The following CTNND2 variants were observed in gnomAD, a reference collection of about 807,000 sequenced individuals.
The protein encoded by CTNND2 is catenin delta 2.
In CTNND2, 22 loss-of-function variants were observed where a neutral mutation model predicts 144.4. The ratio of observed to expected loss-of-function variants is 0.15; its 90% confidence interval spans 0.11 to 0.22. The LOEUF (loss-of-function observed/expected upper bound fraction) is 0.22, where lower values mean the gene tolerates loss of function less well. Among genes scored for constraint, CTNND2 ranks in the 10% least tolerant of loss-of-function variants. The probability of loss-of-function intolerance (pLI) is 1.00; values close to 1 mark genes in which losing one functional copy is unlikely to be tolerated. For missense variants in CTNND2, 1,353 were observed against 1,618.8 expected, an observed-to-expected ratio of 0.84 and a Z score of 2.82; for synonymous variants, 751 against 695.6, an observed-to-expected ratio of 1.08 and a Z score of -1.25.
chr5:11,083,808 A>T, intron 15 of CTNND2: 1 of 624,376 alleles, frequency 1.6e-6, no homozygotes, highest in Non-Finnish European at 2.1e-6. Context: ...GTCCTTTCCC[A>T]CCCAGTCCCC....
At chr5:10,985,813 A>G (rs1737866179) in intron 20 of CTNND2, among the ~76,000 whole-genome samples, 1 of 152,204 alleles carries the variant, frequency 6.6e-6, no homozygotes, top group Non-Finnish European at 1.5e-5. Context: ...TGTAAACTCA[A>G]TATCCCCATC....
rs982080590 is a variant in CTNND2 at position 11,851,628 on chromosome 5, T to C, written c.37+52189A>G. 5.3e-5 allele frequency among the ~76,000 whole-genome samples: 8 copies of C among 152,230 alleles called. 1 individual carries two copies. Among genetic ancestry groups the C allele is most frequent in the African/African-American group, 1.9e-4 (8 of 41,478 alleles). Reference sequence around the variant, plus strand: ...CCTACCCAGGACTTCTTCACAGAAGTGCTGGATTCCGCCTGTAGTACTGAG... The same window carrying C: ...CCTACCCAGGACTTCTTCACAGAAGCGCTGGATTCCGCCTGTAGTACTGAG... On this transcript the variant is annotated intron_variant, in intron 1 of 21. Transcript: ENST00000304623.
intron 2 of CTNND2, among the ~76,000 whole-genome samples, chr5:11,627,799 C>T (rs569420823): frequency 2.0e-5 from 3 of 150,250 alleles, no homozygotes; most frequent in Non-Finnish European, 3.0e-5. Flanking sequence ...TCAGTGAGAA[C>T]CCTGAGCCTG....
intron 13 of CTNND2, among the ~76,000 whole-genome samples, chr5:11,115,753 T>C (rs1340864586): frequency 6.6e-6 from 1 of 152,202 alleles, no homozygotes; most frequent in Non-Finnish European, 1.5e-5. Context: ...TGACAAGTGG[T>C]GCTCATAATT....
At chr5:11,303,397 C>A (rs886510173) in intron 9 of CTNND2, among the ~76,000 whole-genome samples, 1 of 152,206 alleles carries the variant, frequency 6.6e-6, no homozygotes, top group Non-Finnish European at 1.5e-5. Flanking sequence ...CAGACCTCCT[C>A]ACACTTTCTC....
chr5:11,333,349 G>A (rs1302519956), intron 9 of CTNND2, among the ~76,000 whole-genome samples: 4 of 151,796 alleles, frequency 2.6e-5, no homozygotes, highest in Admixed American at 6.6e-5. Flanking sequence ...TTGCTGCCTC[G>A]ACTTCCTGGG....
chr5:11,203,176 C>A (rs1580576127), intron 10 of CTNND2, among the ~76,000 whole-genome samples: 1 of 152,332 alleles, frequency 6.6e-6, no homozygotes, highest in East Asian at 1.9e-4. Context: ...TCTTTCCAAG[C>A]TTCCAAACAA....
intron 1 of CTNND2, among the ~76,000 whole-genome samples, chr5:11,865,407 G>T (rs1358387977): frequency 7.0e-6 from 1 of 143,178 alleles, no homozygotes; most frequent in African/African-American, 2.5e-5. Flanking sequence ...GAAAGGGAGA[G>T]AATTTATCAA....
At chr5:11,471,506 G>A (rs780084966) in intron 3 of CTNND2, among the ~76,000 whole-genome samples, 7 of 152,068 alleles carry the variant, frequency 4.6e-5, no homozygotes, top group Non-Finnish European at 8.8e-5. Flanking sequence ...TGTTATCAAC[G>A]TTTCTAAATA....
chr5:11,428,747 C>T (rs1336695222), intron 3 of CTNND2, among the ~76,000 whole-genome samples: 1 of 151,844 alleles, frequency 6.6e-6, no homozygotes, highest in Non-Finnish European at 1.5e-5. Context: ...TTGTCTGTGA[C>T]AAAAAGCGAC....
At chr5:11,210,659 C>T (rs1052246340) in intron 10 of CTNND2, among the ~76,000 whole-genome samples, 11 of 152,204 alleles carry the variant, frequency 7.2e-5, no homozygotes, top group South Asian at 2.1e-4. Flanking sequence ...GATGACCTCA[C>T]ATAAATTTTG....
chr5:11,732,315 A>G, intron 1 of CTNND2, 43 bp from the exon 2 acceptor site: 1 of 1,587,024 alleles, frequency 6.3e-7, no homozygotes, highest in South Asian at 1.1e-5. Context: ...AGATGTTGAC[A>G]CTAAACAGGT....
intron 1 of CTNND2, among the ~76,000 whole-genome samples, chr5:11,892,252 A>G (rs1232846841): frequency 1.3e-5 from 2 of 152,224 alleles, no homozygotes; most frequent in Non-Finnish European, 1.5e-5. Context: ...TCATGCAAAG[A>G]GTACATATAG....
chr5:11,251,353 A>C (rs910868946), intron 9 of CTNND2, among the ~76,000 whole-genome samples: 8 of 152,154 alleles, frequency 5.3e-5, no homozygotes, highest in African/African-American at 1.4e-4. Context: ...ACTTCTCAAA[A>C]CTTGGAAGCA....
intron 1 of CTNND2, among the ~76,000 whole-genome samples, chr5:11,879,440 T>C (rs1735869595): frequency 6.7e-6 from 1 of 150,104 alleles, no homozygotes; most frequent in Non-Finnish European, 1.5e-5. Context: ...AAAGTTTGAT[T>C]TGCCTTTTCT....
rs181640180 is a variant in CTNND2, at chr5:11,232,287, T to C, written c.1761+4404A>G. On this transcript the variant is annotated intron_variant, in intron 10 of 21. Coordinates refer to ENST00000304623, the MANE Select transcript of CTNND2 (RefSeq NM_001332.4). ...GGTCACCATCCTCCAGGACCCAGAATGGTAGATCCACTGACAGCTTGCACC... is the reference window on the plus strand; with the variant it reads ...GGTCACCATCCTCCAGGACCCAGAACGGTAGATCCACTGACAGCTTGCACC... Among the ~76,000 whole-genome samples the C allele has an allele frequency of 2.5e-3, 376 of 152,072 alleles. 4 individuals carry two copies. Among genetic ancestry groups the C allele is most frequent in the African/African-American group, 8.3e-3 (343 of 41,492 alleles).
intron 1 of CTNND2, among the ~76,000 whole-genome samples, chr5:11,818,463 G>T (rs888162956): frequency 4.6e-5 from 7 of 151,782 alleles, no homozygotes; most frequent in Non-Finnish European, 1.0e-4. Flanking sequence ...CTGCCTCTTG[G>T]GTTCAAGCAA....
chr5:11,536,155 G>A (rs1444650805), intron 3 of CTNND2, among the ~76,000 whole-genome samples: 1 of 152,142 alleles, frequency 6.6e-6, no homozygotes, highest in Non-Finnish European at 1.5e-5. Flanking sequence ...CTTTGAACTA[G>A]TGGGCTCAAA....
intron 1 of CTNND2, among the ~76,000 whole-genome samples, chr5:11,834,796 C>T (rs2126969506): frequency 6.6e-6 from 1 of 152,192 alleles, no homozygotes; most frequent in East Asian, 1.9e-4. Context: ...TTGAATTTGC[C>T]CCCTTTCAAC....
Sources: allele counts gnomAD v4.1 joint callset (sites outside exome capture counted in the v4.1 genomes callset), GRCh38; gene constraint gnomAD v4.1.1; transcripts MANE v1.5; gene names NCBI Gene and HGNC (gene_info 2026-07-23, HGNC 2026-07-21).